The following LGR6 variants were observed in gnomAD, a reference collection of about 807,000 sequenced individuals.
LGR6 encodes the protein leucine-rich repeat-containing G protein-coupled receptor 6.
In LGR6, 45 loss-of-function variants were observed where a neutral mutation model predicts 69.4. That is an observed-to-expected ratio of 0.65 (90% CI 0.51 to 0.83). The LOEUF is 0.83. LGR6 is among the 40% of genes least tolerant of loss of function. LGR6 has a pLI of 0.00. For missense variants in LGR6, 1,108 were observed against 1,246.7 expected (o/e 0.89, Z 1.68); for synonymous variants, 538 against 555.0 (o/e 0.97, Z 0.43).
At chr1:202,316,070 T>G (rs1654118619) in intron 17 of LGR6, among the ~76,000 whole-genome samples, 1 of 152,108 alleles carries the variant, frequency 6.6e-6, no homozygotes, top group Non-Finnish European at 1.5e-5. Context: ...GGGAAAAAAT[T>G]TGGGAAAGTC....
chr1:202,204,763 C>CTAACACACA (rs1558004105), intron 1 of LGR6, among the ~76,000 whole-genome samples: 1 of 716 alleles, frequency 1.4e-3, no homozygotes, highest in Admixed American at 0.021. Flanking sequence ...ACACACACAC[C>CTAACACACA]CCTCCTTCAA....
At chr1:202,197,451 T>C (rs1305503772) in intron 1 of LGR6, 2 of 533,320 alleles carry the variant, frequency 3.8e-6, no homozygotes, top group Admixed American at 3.9e-5. Flanking sequence ...AACTATAGTC[T>C]CAGCGAGGCT....
At chr1:202,263,614 C>T (rs1487857843) in intron 4 of LGR6, among the ~76,000 whole-genome samples, 1 of 151,940 alleles carries the variant, frequency 6.6e-6, no homozygotes, top group Non-Finnish European at 1.5e-5. Flanking sequence ...GTGGTGGGTA[C>T]TTGTGGACCA....
chr1:202,256,424 G>A (rs1176176858), intron 4 of LGR6, among the ~76,000 whole-genome samples: 1 of 152,020 alleles, frequency 6.6e-6, no homozygotes, highest in Admixed American at 6.6e-5. Flanking sequence ...TTGTATTTTA[G>A]TAGAGACGGG....
In LGR6 at chr1:202,309,120, C is replaced by G. The variant is rs746747606; in HGVS notation, c.1350C>G (p.Leu450=). The change falls in exon 15 of 18, where the codon CTC becomes CTG. Residue 450 remains leucine (L), a synonymous_variant. Coordinates refer to ENST00000367278, the MANE Select transcript of LGR6 (RefSeq NM_001017403.2). ...TTGGGGGCTTGATGCATCTGAAGCT[C>G]AAAGGGAACCTTGCTCTCTCCCAGG... ...AGLGGLMHLK[L]KGNLALSQAF... is the part of the protein sequence containing the mutation. The G allele has an allele frequency of 6.2e-7, 1 of 1,614,126 alleles. No homozygotes were observed. The highest frequency in any genetic ancestry group is 2.2e-5 in the East Asian group (1 of 44,880).
chr1:202,257,104 C>T (rs939570917), intron 4 of LGR6, among the ~76,000 whole-genome samples: 1 of 152,182 alleles, frequency 6.6e-6, no homozygotes, highest in Non-Finnish European at 1.5e-5. Context: ...ATATTAAAGA[C>T]ATAAGTCCCT....
chr1:202,205,365 T>C (rs1659137171), intron 1 of LGR6, among the ~76,000 whole-genome samples: 2 of 522 alleles, frequency 3.8e-3, no homozygotes, highest in Non-Finnish European at 5.6e-3. Context: ...CACACACACC[T>C]CCAAACACAC....
chr1:202,219,203 T>C (rs961807177), intron 1 of LGR6, among the ~76,000 whole-genome samples: 1 of 152,224 alleles, frequency 6.6e-6, no homozygotes, highest in African/African-American at 2.4e-5. Flanking sequence ...CTGGCTTTTT[T>C]CAGTGGGAGA....
chr1:202,215,667 C>T (rs901832522), intron 1 of LGR6, among the ~76,000 whole-genome samples: 6 of 152,224 alleles, frequency 3.9e-5, no homozygotes, highest in Admixed American at 2.6e-4. Context: ...CAGAATCTGT[C>T]TTCCGTCCCT....
chr1:202,231,319 C>T (rs1661045447), intron 3 of LGR6, among the ~76,000 whole-genome samples: 1 of 152,214 alleles, frequency 6.6e-6, no homozygotes, highest in Admixed American at 6.5e-5. Flanking sequence ...TTGAACTGAC[C>T]CACGAAGGGA....
chr1:202,216,826 GCA>G (rs564633946), intron 1 of LGR6, among the ~76,000 whole-genome samples: 1 of 152,166 alleles, frequency 6.6e-6, no homozygotes, highest in Non-Finnish European at 1.5e-5. Flanking sequence ...TGAAGGAGAA[GCA>G]CACACACACA....
chr1:202,218,394 G>A (rs887197895), intron 1 of LGR6, among the ~76,000 whole-genome samples: 2 of 152,182 alleles, frequency 1.3e-5, no homozygotes, highest in South Asian at 2.1e-4. Flanking sequence ...AAACTCCCAA[G>A]CTCAGGGGAT....
chr1:202,238,390 A>T (rs570783467), intron 4 of LGR6, among the ~76,000 whole-genome samples: 37 of 141,758 alleles, frequency 2.6e-4, no homozygotes, highest in African/African-American at 9.7e-4. Context: ...TACAGGAGTA[A>T]GCCACTGTGC....
Position 202,238,437 on chromosome 1 carries a change from T to A in LGR6, c.428+2444T>A, listed in dbSNP as rs1356203780. On this transcript the variant is annotated intron_variant, in intron 4 of 17. Transcript: ENST00000367278. Reference sequence around the variant, plus strand: ...CTTTTTTTTTTTTTTTTTTTTTTTTTTAAGACAGAGTTTTTTTGCTCTGTC... The same window carrying A: ...CTTTTTTTTTTTTTTTTTTTTTTTTATAAGACAGAGTTTTTTTGCTCTGTC... Among the ~76,000 whole-genome samples the A allele has an allele frequency of 6.7e-5, 6 of 89,848 alleles. No individual in the cohort carries two copies. In the South Asian group the frequency reaches 2.4e-3, roughly 35 times the overall value. 58.9% of individuals were successfully genotyped at this position (89,848 alleles called of 152,430 possible).
Position 202,296,974 on chromosome 1 carries a change from C to CA in LGR6, c.717-523dup, listed in dbSNP as rs112345977. ...TTATACATGTGATATATGCTCATTG[C>CA]AAAAAAAAAAATTGGAAAGTACAGA... On this transcript the variant is annotated intron_variant, in intron 6 of 17. Coordinates refer to ENST00000367278, the MANE Select transcript of LGR6 (RefSeq NM_001017403.2). 5.9e-3 allele frequency among the ~76,000 whole-genome samples: 847 copies of CA among 144,216 alleles called. 4 individuals carry two copies. The highest frequency in any genetic ancestry group is 0.018 in the African/African-American group (723 of 39,498). 94.6% of individuals were successfully genotyped at this position (144,216 alleles called of 152,430 possible).
At chr1:202,260,413 A>G (rs1440397755) in intron 4 of LGR6, among the ~76,000 whole-genome samples, 2 of 148,716 alleles carry the variant, frequency 1.3e-5, no homozygotes, top group African/African-American at 2.5e-5. Context: ...GGCTCCCTGC[A>G]GCCTCTGCCT....
rs1052089261 is a variant in LGR6 at position 202,304,623 on chromosome 1, C to T, written c.1063C>T (p.Arg355Ter). 2.5e-6 allele frequency: 4 copies of T among 1,609,084 alleles called. No individual in the cohort carries two copies. The highest frequency in any genetic ancestry group is 3.4e-6 in the Non-Finnish European group (4 of 1,176,256). ...SGMCQQLPRL[R>*]VLELSHNQIE... Reference sequence around the variant, plus strand: ...GATGTGCCAACAGCTGCCCAGGCTCCGAGTCCTGTGAGTGCTCACAAGAAT... The same window carrying T: ...GATGTGCCAACAGCTGCCCAGGCTCTGAGTCCTGTGAGTGCTCACAAGAAT... The change falls in exon 11 of 18, where the codon CGA becomes TGA. Residue 355 changes from arginine (R) to a stop codon, truncating the protein, a stop_gained. Coordinates refer to ENST00000367278, the MANE Select transcript of LGR6 (RefSeq NM_001017403.2). LOFTEE classifies it high-confidence loss of function.
At chr1:202,225,298 A>G (rs1244999268) in intron 1 of LGR6, 125 bp from the exon 2 acceptor site, 1 of 804,194 alleles carries the variant, frequency 1.2e-6, no homozygotes, top group Non-Finnish European at 2.2e-6. Context: ...CTTTGGAGTC[A>G]GAATGGCCTG....
At position 202,300,849 on chromosome 1, in the gene LGR6, G is replaced by A. The variant is rs1187847332; in HGVS notation, c.786G>A (p.Leu262=). ...ACTGGTTCCTGGTGTTGTCTTCCAG[G>A]GGGTTCCATAACAACAACATCAAGG... ...AIRTLGRLQE[L]GFHNNNIKAI... Residue 262 remains leucine, a splice_region_variant and synonymous_variant, in exon 8 of 18, where the codon CTG becomes CTA. Transcript: ENST00000367278. The A allele has an allele frequency of 5.6e-6, 9 of 1,608,324 alleles. No individual in the cohort carries two copies. Among genetic ancestry groups the A allele is most frequent in the Non-Finnish European group, 7.6e-6 (9 of 1,177,436 alleles).
Sources: gnomAD v4.1 joint callset for allele counts (sites outside exome capture counted in the v4.1 genomes callset) on GRCh38, gnomAD v4.1.1 for gene constraint, MANE v1.5 for transcripts, NCBI Gene and HGNC (gene_info 2026-07-23, HGNC 2026-07-21) for gene names.